The following LAMB2 variants were observed in gnomAD, a reference collection of about 807,000 sequenced individuals.
LAMB2 encodes laminin subunit beta 2.
A neutral mutation model predicts 202.7 loss-of-function variants in LAMB2; 119 were observed. The observed-to-expected ratio is 0.59, with a 90% CI of 0.51 to 0.68. The LOEUF (loss-of-function observed/expected upper bound fraction) is 0.68, where lower values mean the gene tolerates loss of function less well. Ranked by LOEUF, LAMB2 falls within the 30% of genes least tolerant of loss-of-function variation. LAMB2 has a pLI of 0.00. For synonymous variants in LAMB2, 818 were observed against 902.2 expected, an observed-to-expected ratio of 0.91 and a Z score of 1.67; for missense variants, 2,124 against 2,410.6, an observed-to-expected ratio of 0.88 and a Z score of 2.49.
rs1271143265 is a variant in LAMB2 at position 49,132,297 on chromosome 3, G to A, written c.358C>T (p.Arg120Trp). Residue 120 changes from arginine (R) to tryptophan (W), a missense_variant, in exon 3 of 32, where the codon CGG (arginine) becomes TGG (tryptophan). Coordinates refer to ENST00000305544, the MANE Select transcript of LAMB2 (RefSeq NM_002292.4). This position sits in a 1 kb window ranked among gnomAD's most constrained non-coding sequence, Gnocchi z 4.6. ...NVVTSFAPQR[R>W]AAWWQSENGI... ...TTCTCTGACTGCCACCAGGCTGCCC[G>A]CCGCTGTGGTGCAAAGCTGGTGACT... 9.3e-6 allele frequency: 15 copies of A among 1,614,126 alleles called. No homozygotes were observed. Among genetic ancestry groups the A allele is most frequent in the African/African-American group, 1.3e-5 (1 of 74,938 alleles).
rs1389129018 is a variant in LAMB2, at chr3:49,121,493, G to A, written c.5200C>T (p.Leu1734=). ...VLAAQARAEQ[L]RDEARDLLQA... is the part of the protein sequence containing the mutation. ...AACAGGTCCCGAGCCTCATCCCGCA[G>A]TTGTTCTGCCCTTGCCTGTGCAGCC... Residue 1734 remains leucine, a synonymous_variant, in exon 31 of 32, where the codon CTG becomes TTG. Coordinates refer to ENST00000305544, the MANE Select transcript of LAMB2 (RefSeq NM_002292.4). 1 of 1,614,082 alleles carries A rather than the reference G, an allele frequency of 6.2e-7. No individual in the cohort carries two copies. The highest frequency in any genetic ancestry group is 8.5e-7 in the Non-Finnish European group (1 of 1,180,036).
At chr3:49,122,139 TA>T in intron 28 of LAMB2, 23 bp downstream of exon 28, 2 of 1,613,538 alleles carry the variant, frequency 1.2e-6, no homozygotes, top group South Asian at 1.1e-5. Flanking sequence ...GTGTCAGGGA[TA>T]GGGGCCAGGG....
intron 15 of LAMB2, among the ~76,000 whole-genome samples, chr3:49,127,547 T>G (rs1000553839): frequency 6.6e-6 from 1 of 150,420 alleles, no homozygotes; most frequent in African/African-American, 2.5e-5. Context: ...TACAAAAAAT[T>G]AGCAAGGCAT....
intron 15 of LAMB2, among the ~76,000 whole-genome samples, chr3:49,127,462 GAGAA>G (rs1560074635): frequency 1.3e-5 from 2 of 151,598 alleles, no homozygotes; most frequent in African/African-American, 4.9e-5. Flanking sequence ...TTGGGAGGCC[GAGAA>G]AGGTGGATCA....
intron 15 of LAMB2, among the ~76,000 whole-genome samples, chr3:49,127,283 G>A (rs1297629775): frequency 6.6e-6 from 1 of 152,160 alleles, no homozygotes; most frequent in Non-Finnish European, 1.5e-5. Flanking sequence ...ACCATGCCTG[G>A]TCTAGAGGAA....
In LAMB2 at chr3:49,132,268, A is replaced by G; in HGVS notation, c.385+2T>C. 4.3e-6 allele frequency: 7 copies of G among 1,614,176 alleles called. No homozygotes were observed. Among genetic ancestry groups the G allele is most frequent in the Non-Finnish European group, 5.9e-6 (7 of 1,180,020 alleles). On this transcript the variant is annotated splice_donor_variant, in intron 3 of 31. Transcript: ENST00000305544. LOFTEE classifies it high-confidence loss of function. This position sits in a 1 kb window ranked among gnomAD's most constrained non-coding sequence, Gnocchi z 4.6. ...TCACTTTTGCCCCACCCATGGCCTC[A>G]CCATTCTCTGACTGCCACCAGGCTG...
chr3:49,130,783 C>A lies in LAMB2; in HGVS notation c.993G>T (p.Leu331=). Residue 331 remains leucine (L), a synonymous_variant, in exon 8 of 32, where the codon CTG becomes CTT. Transcript: ENST00000305544. The surrounding 1 kb of genome is among the most constrained non-coding windows in gnomAD (Gnocchi z 5.0). ...GGCCGTCCTCAGCCGGACGCCAGGG[C>A]AGGTCACGATAGAAATCCTGACACT... ...CEQCQDFYRD[L]PWRPAEDGHS... is the part of the protein sequence containing the mutation. 1 of 1,614,160 alleles carries A rather than the reference C, an allele frequency of 6.2e-7. No individual in the cohort carries two copies. Among genetic ancestry groups the A allele is most frequent in the Non-Finnish European group, 8.5e-7 (1 of 1,180,030 alleles).
At chr3:49,126,529 C>A in intron 15 of LAMB2, 32 bp from the exon 16 acceptor site, 2 of 1,613,386 alleles carry the variant, frequency 1.2e-6, no homozygotes, top group South Asian at 2.2e-5. Flanking sequence ...TGCAGTGGGT[C>A]ATCTAGGGGC....
At chr3:49,128,908 A>G in intron 13 of LAMB2, 89 bp from the exon 14 acceptor site, 6 of 1,598,062 alleles carry the variant, frequency 3.8e-6, no homozygotes, top group Non-Finnish European at 5.1e-6. Context: ...TCTCCTGCCA[A>G]AGCTAGATAT....
chr3:49,128,757 G>A lies in LAMB2; in HGVS notation c.1794C>T (p.Gly598=). The A allele has an allele frequency of 6.2e-7, 1 of 1,614,122 alleles. No individual in the cohort carries two copies. Among genetic ancestry groups the A allele is most frequent in the African/African-American group, 1.3e-5 (1 of 75,054 alleles). Residue 598 remains glycine (G), a synonymous_variant, in exon 14 of 32, where the codon GGC becomes GGT. Transcript: ENST00000305544. ...TCTGACCTTCCTGTAGCCGCACGAA[G>A]CCTGAGCCAGTCCAGGATGGAGTTT... ...PGETPSWTGS[G]FVRLQEGQTL... is the part of the protein sequence containing the mutation.
In LAMB2 at chr3:49,121,225, G is replaced by A; in HGVS notation, c.*1C>T. 2 of 1,612,208 alleles carry A rather than the reference G, an allele frequency of 1.2e-6. No homozygotes were observed. The highest frequency in any genetic ancestry group is 1.7e-6 in the Non-Finnish European group (2 of 1,180,018). On this transcript the variant is annotated 3_prime_UTR_variant, in exon 32 of 32. Transcript: ENST00000305544. ...GAACTGGGGTAGGCCTTGGGCAGGG[G>A]TCACTGGCAGGTGTTGTAGATCTGC...
rs1411511626 is a variant in LAMB2 at position 49,125,520 on chromosome 3, AG to A, written c.2489-37del. On this transcript the variant is annotated intron_variant, in intron 18 of 31. Transcript: ENST00000305544. Reference sequence around the variant, plus strand: ...GGCAGAGCTGAGCCAGAGCCAGGGGAGGGGGTCTGAGGGGAGTGTGGGTGGG... The same window carrying A: ...GGCAGAGCTGAGCCAGAGCCAGGGGAGGGGTCTGAGGGGAGTGTGGGTGGG... The A allele has an allele frequency of 8.3e-5, 63 of 756,568 alleles. No homozygotes were observed. The East Asian group carries it at 3.5e-3, about 43-fold the overall frequency. 46.9% of individuals were successfully genotyped at this position (756,568 alleles called of 1,614,324 possible).
Position 49,130,168 on chromosome 3 carries a change from T to C in LAMB2, c.1225+63A>G, listed in dbSNP as rs2107643463. 6.3e-7 allele frequency: 1 copy of C among 1,594,932 alleles called. No homozygotes were observed. The highest frequency in any genetic ancestry group is 8.6e-7 in the Non-Finnish European group (1 of 1,165,210). On this transcript the variant is annotated intron_variant, in intron 9 of 31. Transcript: ENST00000305544. This position sits in a 1 kb window ranked among gnomAD's most constrained non-coding sequence, Gnocchi z 5.0. Reference sequence around the variant, plus strand: ...CAATTTCCTGCAATTTAGACAGCAGTCCAGCTCTCTAGTTCCTGCCCCAGG... The same window carrying C: ...CAATTTCCTGCAATTTAGACAGCAGCCCAGCTCTCTAGTTCCTGCCCCAGG...
chr3:49,129,039 G>T lies in LAMB2; in HGVS notation c.1712C>A (p.Ala571Asp). The stretch of plus-strand genomic sequence containing the variant: ...CCACACCTGCCCTCGGGTGTCCTCA[G>T]CCTCCCAAATTAGGTGGTCCAGGAA... ...RPFLDHLIWE[A>D]EDTRGQVLDV... Residue 571 changes from alanine to aspartate, a missense_variant, in exon 13 of 32, where the codon GCT (alanine) becomes GAT (aspartate). Ala to Asp is a moderately radical substitution (Grantham distance 126). Around this residue, in one of 3 missense-constraint regions of LAMB2, gnomAD observed 1,702 missense variants for 1,896.3 expected, o/e 0.90. Coordinates refer to ENST00000305544, the MANE Select transcript of LAMB2 (RefSeq NM_002292.4). The surrounding 1 kb of genome is among the most constrained non-coding windows in gnomAD (Gnocchi z 6.1). 1 of 1,611,110 alleles carries T rather than the reference G, an allele frequency of 6.2e-7. No individual in the cohort carries two copies.
In LAMB2 at chr3:49,129,316, G is replaced by C; in HGVS notation, c.1527C>G (p.His509Gln). 2 of 1,612,588 alleles carry C rather than the reference G, an allele frequency of 1.2e-6. No homozygotes were observed. The highest frequency in any genetic ancestry group is 1.7e-6 in the Non-Finnish European group (2 of 1,179,528). The change falls in exon 12 of 32, where the codon CAC (histidine) becomes CAG (glutamine). Residue 509 changes from histidine (H) to glutamine (Q), a missense_variant. His to Gln is a conservative substitution (Grantham distance 24). Transcript: ENST00000305544. This position sits in a 1 kb window ranked among gnomAD's most constrained non-coding sequence, Gnocchi z 6.1. ...CGAGCAGGTCGTGGCTCAGGCCCCA[G>C]TGGCCAGGCTGCACGAAAGGAGTTG... Reference protein sequence around the residue: ...GRGCDRCLPGHWGLSHDLLGC... With the variant: ...GRGCDRCLPGQWGLSHDLLGC...
chr3:49,122,486 TAAG>T, intron 27 of LAMB2, 116 bp from the exon 28 acceptor site: 3 of 1,058,688 alleles, frequency 2.8e-6, no homozygotes, highest in Non-Finnish European at 4.4e-6. Context: ...TTACCAGGCA[TAAG>T]GATATAATCA....
rs2045478266 is a variant in LAMB2, at chr3:49,131,230, G to A, written c.713-78C>T. The stretch of plus-strand genomic sequence containing the variant: ...GTCCACCCAGGGGCTCAGCTGCCAA[G>A]GTCACCTTGAAAGACCTCCTATACA... On this transcript the variant is annotated intron_variant, in intron 6 of 31. Transcript: ENST00000305544. The surrounding 1 kb of genome is among the most constrained non-coding windows in gnomAD (Gnocchi z 5.0). 6.6e-7 allele frequency: 1 copy of A among 1,521,764 alleles called. No homozygotes were observed. The highest frequency in any genetic ancestry group is 9.1e-7 in the Non-Finnish European group (1 of 1,104,024). 94.3% of individuals were successfully genotyped at this position (1,521,764 alleles called of 1,614,324 possible).
Position 49,131,148 on chromosome 3 carries a change from C to T in LAMB2, c.717G>A (p.Leu239=). Residue 239 remains leucine (L), a synonymous_variant, in exon 7 of 32, where the codon CTG becomes CTA. Coordinates refer to ENST00000305544, the MANE Select transcript of LAMB2 (RefSeq NM_002292.4). The surrounding 1 kb of genome is among the most constrained non-coding windows in gnomAD (Gnocchi z 5.0). ...TCACCCGTAGGTTGGTGATCTTCAA[C>T]AGGTCTGAGGCGGGGGAAGGGGGGC... The part of the protein sequence containing the change: ...PDPYSSRIQN[L]LKITNLRVNL... The T allele has an allele frequency of 1.2e-6, 2 of 1,613,466 alleles. No individual in the cohort carries two copies. Among genetic ancestry groups the T allele is most frequent in the African/African-American group, 1.3e-5 (1 of 75,032 alleles).
In LAMB2 at chr3:49,125,331, C is replaced by T. The variant is rs1277734363; in HGVS notation, c.2642G>A (p.Gly881Glu). 3.1e-6 allele frequency: 5 copies of T among 1,613,988 alleles called. No individual in the cohort carries two copies. The highest frequency in any genetic ancestry group is 1.6e-4 in the Middle Eastern group (1 of 6,084). Residue 881 changes from glycine to glutamate, a missense_variant, in exon 19 of 32, where the codon GGG becomes GAG. By Grantham distance (98) the Gly-to-Glu change is moderately conservative. Coordinates refer to ENST00000305544, the MANE Select transcript of LAMB2 (RefSeq NM_002292.4). ...GTGGGTGTTGCACTCATCTGCATGC[C>T]CATTGCAGACACATGGCCGGCAGCT... ...FPSCRPCVCN[G>E]HADECNTHTG...
Sources: allele counts gnomAD v4.1 joint callset (sites outside exome capture counted in the v4.1 genomes callset), GRCh38; gene constraint gnomAD v4.1.1; regional missense constraint gnomAD v4.1.1; non-coding constraint Gnocchi (gnomAD v3.1); transcripts MANE v1.5; gene names NCBI Gene and HGNC (gene_info 2026-07-23, HGNC 2026-07-21).